Variants in RYR2 observed in about 807,000 individuals in gnomAD.
The protein encoded by RYR2 is ryanodine receptor 2.
A neutral mutation model predicts 601.1 loss-of-function variants in RYR2; 227 were observed. The ratio of observed to expected loss-of-function variants is 0.38; its 90% confidence interval spans 0.34 to 0.42. The LOEUF is 0.42. RYR2 is among the 10% of genes least tolerant of loss of function. RYR2 has a pLI of 1.00. For synonymous variants in RYR2, 2,223 were observed against 2,175.1 expected (o/e 1.02, Z -0.61); for missense variants, 4,646 against 6,156.5 (o/e 0.75, Z 8.21).
intron 1 of RYR2, among the ~76,000 whole-genome samples, chr1:237,047,204 A>G (rs755962048): frequency 2.0e-5 from 3 of 152,212 alleles, no homozygotes; most frequent in South Asian, 2.1e-4. Flanking sequence ...TTTATAGAGT[A>G]GATTTAAACC....
intron 98 of RYR2, among the ~76,000 whole-genome samples, chr1:237,803,637 G>A (rs1272159164): frequency 6.6e-6 from 1 of 152,086 alleles, no homozygotes; most frequent in Non-Finnish European, 1.5e-5. Flanking sequence ...AGCTCCATCT[G>A]AATGTCCCAT....
chr1:237,347,078 G>A (rs1019741196), intron 3 of RYR2, among the ~76,000 whole-genome samples: 1 of 152,108 alleles, frequency 6.6e-6, no homozygotes, highest in African/African-American at 2.4e-5. Context: ...TATAATCCTA[G>A]CACTTTGGGA....
At chr1:237,125,201 G>T (rs1671274075) in intron 1 of RYR2, among the ~76,000 whole-genome samples, 2 of 152,158 alleles carry the variant, frequency 1.3e-5, no homozygotes. Context: ...TAGTTGCACT[G>T]TGCTTACTTG....
intron 71 of RYR2, among the ~76,000 whole-genome samples, chr1:237,714,645 CAG>C (rs1204458940): frequency 1.3e-5 from 2 of 151,902 alleles, no homozygotes; most frequent in African/African-American, 4.8e-5. Context: ...GTGTGAGAGA[CAG>C]AGATAGAGAG....
chr1:237,383,490 C>A (rs1439073262), intron 8 of RYR2, among the ~76,000 whole-genome samples: 8 of 125,534 alleles, frequency 6.4e-5, no homozygotes, highest in African/African-American at 2.1e-4. Flanking sequence ...AGTACAGGGG[C>A]ACGATCTCGG....
At chr1:237,212,780 A>C (rs1010085961) in intron 1 of RYR2, among the ~76,000 whole-genome samples, 3 of 152,090 alleles carry the variant, frequency 2.0e-5, no homozygotes, top group Admixed American at 1.3e-4. Flanking sequence ...GGTTATTATT[A>C]TTATTATTAT....
At chr1:237,563,352 A>G (rs1671643989) in intron 27 of RYR2, among the ~76,000 whole-genome samples, 3 of 151,412 alleles carry the variant, frequency 2.0e-5, no homozygotes, top group Admixed American at 6.6e-5. Flanking sequence ...CGGAAGTTGC[A>G]ATGAGCTGAG....
At chr1:237,725,994 C>T (rs567246627) in intron 74 of RYR2, among the ~76,000 whole-genome samples, 6 of 151,992 alleles carry the variant, frequency 3.9e-5, no homozygotes, top group African/African-American at 1.4e-4. Context: ...TGTTAAAGGC[C>T]TAACAGTGGT....
intron 65 of RYR2, among the ~76,000 whole-genome samples, chr1:237,701,540 G>A (rs1191830529): frequency 1.3e-5 from 2 of 149,410 alleles, no homozygotes; most frequent in East Asian, 2.0e-4. Context: ...AAAAAAAAAA[G>A]CAGATGTGCC....
At chr1:237,406,261 T>C (rs1331545872) in intron 10 of RYR2, among the ~76,000 whole-genome samples, 2 of 139,046 alleles carry the variant, frequency 1.4e-5, no homozygotes, top group African/African-American at 5.3e-5. Context: ...AGTTTCCCCA[T>C]ACTACTACCT....
At chr1:237,580,356 C>T (rs1673771331) in intron 29 of RYR2, among the ~76,000 whole-genome samples, 1 of 151,520 alleles carries the variant, frequency 6.6e-6, no homozygotes, top group East Asian at 2.0e-4. Flanking sequence ...GGGGTTTTAC[C>T]ATGTTGGCCA....
intron 2 of RYR2, among the ~76,000 whole-genome samples, chr1:237,274,234 G>C (rs544127684): frequency 6.0e-5 from 9 of 150,508 alleles, no homozygotes; most frequent in African/African-American, 2.2e-4. Flanking sequence ...TATGTATCAC[G>C]TATATACATA....
chr1:237,728,288 G>A (rs1019721181), intron 76 of RYR2, among the ~76,000 whole-genome samples: 3 of 151,968 alleles, frequency 2.0e-5, no homozygotes, highest in East Asian at 1.9e-4. Flanking sequence ...ACACTCACTG[G>A]GTCTAAAATG....
intron 2 of RYR2, among the ~76,000 whole-genome samples, chr1:237,321,168 G>A (rs1466057915): frequency 1.3e-5 from 2 of 152,024 alleles, no homozygotes; most frequent in Non-Finnish European, 1.5e-5. Flanking sequence ...TTTCTAAAGT[G>A]GGGATAATAA....
intron 1 of RYR2, among the ~76,000 whole-genome samples, chr1:237,248,834 T>C (rs1171587956): frequency 6.6e-6 from 1 of 150,632 alleles, no homozygotes; most frequent in East Asian, 2.0e-4. Flanking sequence ...TGATCTCAGC[T>C]CACCACAACC....
At chr1:237,330,639 C>T (rs551183839) in intron 2 of RYR2, among the ~76,000 whole-genome samples, 3 of 152,334 alleles carry the variant, frequency 2.0e-5, no homozygotes, top group South Asian at 2.1e-4. Context: ...CCGCCCACCT[C>T]GGCCTCCCAG....
intron 18 of RYR2, among the ~76,000 whole-genome samples, chr1:237,492,363 T>C (rs1001577283): frequency 6.6e-6 from 1 of 152,206 alleles, no homozygotes; most frequent in Non-Finnish European, 1.5e-5. Context: ...AGTAATATTT[T>C]TTAGTGTTTA....
At chr1:237,549,773 G>A (rs1391321843) in intron 26 of RYR2, among the ~76,000 whole-genome samples, 1 of 151,508 alleles carries the variant, frequency 6.6e-6, no homozygotes, top group Non-Finnish European at 1.5e-5. Context: ...ACTGCAGCAG[G>A]TCTCAGGAAG....
rs1344666123 is a variant in RYR2 at position 237,550,526 on chromosome 1, C to T, written c.3067-18C>T. 6.2e-7 allele frequency: 1 copy of T among 1,606,206 alleles called. No homozygotes were observed. Among genetic ancestry groups the T allele is most frequent in the African/African-American group, 1.3e-5 (1 of 74,794 alleles). Reference sequence around the variant, plus strand: ...CCTTGGTATTGCTTTGACGGCTGCACCCTGTGTTTTCCTGCAGGACGTAAA... The same window carrying T: ...CCTTGGTATTGCTTTGACGGCTGCATCCTGTGTTTTCCTGCAGGACGTAAA... On this transcript the variant is annotated intron_variant, in intron 26 of 104. Coordinates refer to ENST00000366574, the MANE Select transcript of RYR2 (RefSeq NM_001035.3).
Sources: gnomAD v4.1 joint callset for allele counts (sites outside exome capture counted in the v4.1 genomes callset) on GRCh38, gnomAD v4.1.1 for gene constraint, MANE v1.5 for transcripts, NCBI Gene and HGNC (gene_info 2026-07-23, HGNC 2026-07-21) for gene names.